PIEZO2: variants seen among roughly 807,000 people sequenced by gnomAD.
PIEZO2 encodes the protein piezo type mechanosensitive ion channel component 2.
Under a neutral mutation model 337.3 loss-of-function variants are expected in PIEZO2, and 172 were observed. The observed-to-expected ratio is 0.51, with a 90% CI of 0.45 to 0.58. PIEZO2 has a LOEUF of 0.58. PIEZO2 is among the 20% of genes least tolerant of loss of function. PIEZO2 has a pLI of 0.00. For synonymous variants in PIEZO2, 1,251 were observed against 1,228.5 expected (o/e 1.02, Z -0.38); for missense variants, 3,028 against 3,391.3 (o/e 0.89, Z 2.66).
intron 5 of PIEZO2, among the ~76,000 whole-genome samples, chr18:10,860,260 C>T (rs748475467): frequency 3.9e-5 from 6 of 152,120 alleles, no homozygotes; most frequent in African/African-American, 1.2e-4. Flanking sequence ...TGGCCCTCCT[C>T]GAGGTGCTGC....
At chr18:11,086,001 G>A (rs925544475) in intron 1 of PIEZO2, among the ~76,000 whole-genome samples, 4 of 152,032 alleles carry the variant, frequency 2.6e-5, no homozygotes, top group African/African-American at 9.7e-5. Context: ...CCAGCATCGA[G>A]TACAATATCC....
At chr18:10,864,462 A>T (rs1396391215) in intron 5 of PIEZO2, among the ~76,000 whole-genome samples, 1 of 152,256 alleles carries the variant, frequency 6.6e-6, no homozygotes, top group Non-Finnish European at 1.5e-5. Context: ...ATTTGGAATG[A>T]CCTACTCTAG....
chr18:10,886,323 C>T (rs376812739), intron 4 of PIEZO2, among the ~76,000 whole-genome samples: 1,529 of 26,146 alleles, frequency 0.058, 65 homozygotes, highest in African/African-American at 0.11. Context: ...CCTATACATA[C>T]ATATATATAT....
chr18:10,872,597 C>T lies in PIEZO2; in HGVS notation c.330-1182G>A, dbSNP rs536977862. Among the ~76,000 whole-genome samples the T allele has an allele frequency of 6.6e-6, 1 of 152,266 alleles. No homozygotes were observed. Among genetic ancestry groups the T allele is most frequent in the South Asian group, 2.1e-4 (1 of 4,826 alleles). Reference sequence around the variant, plus strand: ...GCACACGACACGGGCCAGCCATGTCCCTCATCCGGTGCTAGATGCCTGCCC... The same window carrying T: ...GCACACGACACGGGCCAGCCATGTCTCTCATCCGGTGCTAGATGCCTGCCC... On this transcript the variant is annotated intron_variant, in intron 4 of 55. Coordinates refer to ENST00000674853, the MANE Select transcript of PIEZO2 (RefSeq NM_001378183.1). The surrounding 1 kb of genome is among the most constrained non-coding windows in gnomAD (Gnocchi z 4.3).
intron 7 of PIEZO2, among the ~76,000 whole-genome samples, chr18:10,811,627 C>T (rs62083239): frequency 0.021 from 3,192 of 152,216 alleles, 41 homozygotes; most frequent in Middle Eastern, 0.065. Context: ...TAGTGCCCCA[C>T]TTTAGGAAAT....
chr18:10,738,829 T>C (rs1163899701), intron 33 of PIEZO2: 3 of 152,242 alleles, frequency 2.0e-5, no homozygotes, highest in African/African-American at 7.2e-5. Context: ...GGTATTGGAA[T>C]GGAAGGTATC....
intron 2 of PIEZO2, among the ~76,000 whole-genome samples, chr18:10,981,744 G>A (rs894899702): frequency 1.2e-4 from 18 of 152,236 alleles, no homozygotes; most frequent in Admixed American, 1.1e-3. Flanking sequence ...CATTTAATCA[G>A]CTGCCAATGT....
rs2040853701 is a variant in PIEZO2, at chr18:11,148,086, G to A, written c.64+439C>T. On this transcript the variant is annotated intron_variant, in intron 1 of 55. Transcript: ENST00000674853. This position sits in a 1 kb window ranked among gnomAD's most constrained non-coding sequence, Gnocchi z 5.2. ...TCTTCCTTCACGGTTGCTGGGATTT[G>A]GGGTCTGGGAGAGATGGCCTCTGGG... Among the ~76,000 whole-genome samples, 1 of 152,114 alleles carries A rather than the reference G, an allele frequency of 6.6e-6. No homozygotes were observed. Among genetic ancestry groups the A allele is most frequent in the Non-Finnish European group, 1.5e-5 (1 of 68,036 alleles).
chr18:11,046,728 C>T (rs569330448), intron 2 of PIEZO2, among the ~76,000 whole-genome samples: 1 of 152,306 alleles, frequency 6.6e-6, no homozygotes, highest in East Asian at 1.9e-4. Context: ...GGAATTATGT[C>T]GACCATTTAG....
chr18:10,761,147 G>A (rs1021593193), intron 23 of PIEZO2, 36 bp from the exon 24 acceptor site: 2 of 1,508,290 alleles, frequency 1.3e-6, no homozygotes, highest in East Asian at 2.5e-5. Context: ...GTCAGCCAGA[G>A]GCTTTATGAT....
intron 7 of PIEZO2, among the ~76,000 whole-genome samples, chr18:10,836,141 CACTT>C (rs1001845166): frequency 1.1e-4 from 17 of 152,116 alleles, no homozygotes; most frequent in African/African-American, 3.9e-4. Flanking sequence ...ACTCTCGACA[CACTT>C]AGTTATGCTC....
chr18:10,672,571 T>C lies in PIEZO2; in HGVS notation c.8345+119A>G, dbSNP rs984175199. On this transcript the variant is annotated intron_variant, in intron 55 of 55. Coordinates refer to ENST00000674853, the MANE Select transcript of PIEZO2 (RefSeq NM_001378183.1). The surrounding 1 kb of genome is among the most constrained non-coding windows in gnomAD (Gnocchi z 4.7). Reference sequence around the variant, plus strand: ...TAAAATGCACACAAGGATGTGTGCATTTTAATACTGCAGCTCTAAAATTAG... The same window carrying C: ...TAAAATGCACACAAGGATGTGTGCACTTTAATACTGCAGCTCTAAAATTAG... 5.3e-6 allele frequency: 6 copies of C among 1,138,006 alleles called. No individual in the cohort carries two copies. Among genetic ancestry groups the C allele is most frequent in the Non-Finnish European group, 7.5e-6 (6 of 795,394 alleles). 70.5% of individuals were successfully genotyped at this position (1,138,006 alleles called of 1,614,324 possible).
In PIEZO2 at chr18:11,099,302, A is replaced by G. The variant is rs1022078171; in HGVS notation, c.65-33080T>C. Reference sequence around the variant, plus strand: ...TGCATATTTTAAATTTTGATAGACAATATCAAACTTGTCTCCAAAAAACAA... The same window carrying G: ...TGCATATTTTAAATTTTGATAGACAGTATCAAACTTGTCTCCAAAAAACAA... On this transcript the variant is annotated intron_variant, in intron 1 of 55. Coordinates refer to ENST00000674853, the MANE Select transcript of PIEZO2 (RefSeq NM_001378183.1). The surrounding 1 kb of genome is among the most constrained non-coding windows in gnomAD (Gnocchi z 5.4). 1.3e-5 allele frequency among the ~76,000 whole-genome samples: 2 copies of G among 152,188 alleles called. No homozygotes were observed. Among genetic ancestry groups the G allele is most frequent in the South Asian group, 2.1e-4 (1 of 4,834 alleles).
At chr18:10,755,626 C>T (rs1032800916) in intron 27 of PIEZO2, among the ~76,000 whole-genome samples, 2 of 152,152 alleles carry the variant, frequency 1.3e-5, no homozygotes, top group African/African-American at 2.4e-5. Context: ...ACGGTTTAAG[C>T]ACAAATACTG....
intron 38 of PIEZO2, 62 bp from the exon 39 acceptor site, chr18:10,714,992 C>T (rs2035956053): frequency 4.1e-6 from 6 of 1,472,280 alleles, no homozygotes; most frequent in Non-Finnish European, 3.6e-6. Context: ...AGCCACCTGG[C>T]ATTTCTCAAC....
chr18:10,956,803 A>C (rs1483103786), intron 3 of PIEZO2, among the ~76,000 whole-genome samples: 1 of 151,704 alleles, frequency 6.6e-6, no homozygotes, highest in Non-Finnish European at 1.5e-5. Context: ...CCCTGTCTCT[A>C]CTAAAAATAC....
rs1440791002 is a variant in PIEZO2 at position 10,699,139 on chromosome 18, A to G, written c.6480T>C (p.Ser2160=). 2.5e-5 allele frequency: 39 copies of G among 1,537,216 alleles called. No homozygotes were observed. The highest frequency in any genetic ancestry group is 3.2e-5 in the Non-Finnish European group (37 of 1,146,892). The stretch of plus-strand genomic sequence containing the variant: ...CATCTGATTCCTCCCTGGCCATGCC[A>G]CTTTCAGTCATGTCATCTTCATCCC... The part of the protein sequence containing the change: ...GLWDEDDMTE[S]GMAREESDDE... Residue 2160 remains serine (S), a synonymous_variant, in exon 44 of 56, where the codon AGT becomes AGC. Coordinates refer to ENST00000674853, the MANE Select transcript of PIEZO2 (RefSeq NM_001378183.1).
rs970547493 is a variant in PIEZO2 at position 10,973,702 on chromosome 18, G to A, written c.286+5833C>T. ...GTGTGTTGTGCCTGAATGAGTTAGG[G>A]AATGGAAAGAGAAGGGGACGGGGCA... On this transcript the variant is annotated intron_variant, in intron 3 of 55. Transcript: ENST00000674853. This position sits in a 1 kb window ranked among gnomAD's most constrained non-coding sequence, Gnocchi z 4.9. Among the ~76,000 whole-genome samples the A allele has an allele frequency of 6.6e-6, 1 of 152,142 alleles. No homozygotes were observed. Among genetic ancestry groups the A allele is most frequent in the Non-Finnish European group, 1.5e-5 (1 of 68,022 alleles).
chr18:11,108,983 G>T (rs1258234350), intron 1 of PIEZO2, among the ~76,000 whole-genome samples: 2 of 152,234 alleles, frequency 1.3e-5, no homozygotes, highest in Non-Finnish European at 2.9e-5. Context: ...TCCTTGGGCA[G>T]AACTTGCCCC....
Sources: allele counts gnomAD v4.1 joint callset (sites outside exome capture counted in the v4.1 genomes callset), GRCh38; gene constraint gnomAD v4.1.1; non-coding constraint Gnocchi (gnomAD v3.1); transcripts MANE v1.5; gene names NCBI Gene and HGNC (gene_info 2026-07-23, HGNC 2026-07-21).